The following DAB1 variants were observed in gnomAD, a reference collection of about 807,000 sequenced individuals.
The protein encoded by DAB1 is DAB adaptor protein 1.
Under a neutral mutation model 64.6 loss-of-function variants are expected in DAB1, and 15 were observed. That is an observed-to-expected ratio of 0.23 (90% CI 0.16 to 0.36). DAB1 has a LOEUF of 0.36. Among genes scored for constraint, DAB1 ranks in the 10% least tolerant of loss-of-function variants. The pLI, the probability that DAB1 is intolerant of heterozygous loss-of-function variation, is 1.00. For synonymous variants in DAB1, 235 were observed against 251.9 expected, an observed-to-expected ratio of 0.93 and a Z score of 0.64; for missense variants, 596 against 706.7, an observed-to-expected ratio of 0.84 and a Z score of 1.78.
At chr1:57,156,238 A>G (rs1660213196) in intron 2 of DAB1, among the ~76,000 whole-genome samples, 1 of 152,120 alleles carries the variant, frequency 6.6e-6, no homozygotes, top group Non-Finnish European at 1.5e-5. Context: ...CAAAAATGAA[A>G]AATGTTATCC....
At chr1:57,980,280 G>A (rs200240046) in intron 5 of DAB1, among the ~76,000 whole-genome samples, 1 of 41,208 alleles carries the variant, frequency 2.4e-5, no homozygotes, top group Non-Finnish European at 4.9e-5. Context: ...GCTCTGACTC[G>A]AGTCATCTCT....
At chr1:57,360,876 G>A (rs1679490855) in intron 1 of DAB1, among the ~76,000 whole-genome samples, 1 of 151,980 alleles carries the variant, frequency 6.6e-6, no homozygotes, top group South Asian at 2.1e-4. Flanking sequence ...CATTTTTTCT[G>A]GAGGAAAATT....
intron 2 of DAB1, among the ~76,000 whole-genome samples, chr1:58,523,046 T>C (rs1387905880): frequency 6.6e-6 from 1 of 152,200 alleles, no homozygotes; most frequent in Non-Finnish European, 1.5e-5. Flanking sequence ...TCAGAATCCT[T>C]CTGCTAGATT....
At chr1:57,552,227 T>G (rs564822227) in intron 7 of DAB1, among the ~76,000 whole-genome samples, 48 of 152,312 alleles carry the variant, frequency 3.2e-4, no homozygotes, top group African/African-American at 1.1e-3. Context: ...GAGTCATTTT[T>G]TATTCTAATA....
intron 1 of DAB1, among the ~76,000 whole-genome samples, chr1:57,291,579 A>G (rs1289348376): frequency 1.3e-5 from 2 of 152,152 alleles, no homozygotes; most frequent in Non-Finnish European, 2.9e-5. Context: ...AAAGCAGATC[A>G]TATGGAAGTA....
At chr1:57,346,289 A>G (rs1028819207) in intron 1 of DAB1, among the ~76,000 whole-genome samples, 2 of 152,178 alleles carry the variant, frequency 1.3e-5, no homozygotes, top group Non-Finnish European at 2.9e-5. Context: ...CTTCAACTTG[A>G]CTTCGTAGGT....
At chr1:57,426,286 T>A (rs76307640), upstream of DAB1, among the ~76,000 whole-genome samples, 22,578 of 152,258 alleles carry the variant, frequency 0.15, 1,807 homozygotes, top group African/African-American at 0.2. Flanking sequence ...ATCTCTGCTC[T>A]GTGTTGAATC....
chr1:57,812,299 C>A, intron 6 of DAB1, among the ~76,000 whole-genome samples: 1 of 112,582 alleles, frequency 8.9e-6, no homozygotes. Flanking sequence ...TGAAAAAACA[C>A]ACAACCTGGG....
At chr1:57,282,017 A>T (rs1245813638) in intron 2 of DAB1, among the ~76,000 whole-genome samples, 8 of 151,838 alleles carry the variant, frequency 5.3e-5, no homozygotes, top group African/African-American at 1.7e-4. Context: ...CCCCATCTCT[A>T]CTAAAAATAT....
At chr1:58,513,880 C>G (rs1445834458) in intron 2 of DAB1, among the ~76,000 whole-genome samples, 1 of 152,164 alleles carries the variant, frequency 6.6e-6, no homozygotes, top group Non-Finnish European at 1.5e-5. Flanking sequence ...TGACAAAGCT[C>G]AAACAGCTAG....
chr1:57,959,249 T>C (rs1026257084), intron 5 of DAB1, among the ~76,000 whole-genome samples: 6 of 152,224 alleles, frequency 3.9e-5, no homozygotes, highest in African/African-American at 1.2e-4. Flanking sequence ...ACCTGCCTCA[T>C]AGGGCCAGTG....
intron 1 of DAB1, chr1:57,864,890 A>T (rs989836825): frequency 6.6e-6 from 1 of 152,084 alleles, no homozygotes; most frequent in African/African-American, 2.4e-5. Flanking sequence ...GTAAACCGTG[A>T]AAGTGCTATA....
chr1:58,150,413 C>T (rs1324194869), intron 5 of DAB1: 1 of 152,170 alleles, frequency 6.6e-6, no homozygotes, highest in East Asian at 1.9e-4. Flanking sequence ...CCCCTATTCA[C>T]AGTCAAGCTT....
chr1:57,854,032 C>G (rs1653647395), intron 1 of DAB1, among the ~76,000 whole-genome samples: 1 of 152,090 alleles, frequency 6.6e-6, no homozygotes, highest in Non-Finnish European at 1.5e-5. Flanking sequence ...TTAAATGCCT[C>G]TATGCTGCAA....
intron 7 of DAB1, among the ~76,000 whole-genome samples, chr1:57,435,916 C>CTTTTTTTTTTTTTTT (rs1183686656): frequency 7.9e-6 from 1 of 127,202 alleles, no homozygotes; most frequent in Non-Finnish European, 1.7e-5. Context: ...TTTTTTCTTT[C>CTTTTTTTTTTTTTTT]TTTTTTTTTT....
chr1:57,448,457 T>C (rs1686229992), intron 7 of DAB1, among the ~76,000 whole-genome samples: 2 of 152,206 alleles, frequency 1.3e-5, no homozygotes. Flanking sequence ...AAAAAACCCT[T>C]CAGCAATTTG....
chr1:57,226,787 C>A (rs1667302033), intron 2 of DAB1, among the ~76,000 whole-genome samples: 1 of 150,788 alleles, frequency 6.6e-6, no homozygotes, highest in Non-Finnish European at 1.5e-5. Flanking sequence ...AGCAGTGGAA[C>A]AAGGATGATT....
At chr1:57,839,358 A>T (rs1652951674) in intron 1 of DAB1, among the ~76,000 whole-genome samples, 1 of 152,136 alleles carries the variant, frequency 6.6e-6, no homozygotes, top group African/African-American at 2.4e-5. Flanking sequence ...CTGTGCCAAC[A>T]TTCCTGATGA....
intron 5 of DAB1, among the ~76,000 whole-genome samples, chr1:57,913,327 A>T (rs190852219): frequency 2.0e-5 from 3 of 152,218 alleles, no homozygotes; most frequent in Non-Finnish European, 4.4e-5. Context: ...AACCCTGACA[A>T]AAACAAGAAA....
Sources: gnomAD v4.1 joint callset for allele counts (sites outside exome capture counted in the v4.1 genomes callset) on GRCh38, gnomAD v4.1.1 for gene constraint, MANE v1.5 for transcripts, NCBI Gene and HGNC (gene_info 2026-07-23, HGNC 2026-07-21) for gene names.